PKIA: variants seen among roughly 807,000 people sequenced by gnomAD.
The protein encoded by PKIA is PKI-alpha.
PKIA carries 4 observed loss-of-function variants against 7.6 expected under a neutral mutation model. The ratio of observed to expected loss-of-function variants is 0.52; its 90% confidence interval spans 0.26 to 1.20. PKIA has a LOEUF of 1.20. PKIA is among the 50% of genes most tolerant of loss of function. The pLI is 0.13. For missense variants in PKIA, 73 were observed against 86.2 expected (o/e 0.85, Z 0.61); for synonymous variants, 21 against 30.7 (o/e 0.68, Z 1.04).
rs537770275 is a variant in PKIA at position 78,554,299 on chromosome 8, A to C, written c.-156-18512A>C. Among the ~76,000 whole-genome samples, 200 of 152,164 alleles carry C rather than the reference A, an allele frequency of 1.3e-3. 2 individuals carry two copies. The highest frequency in any genetic ancestry group is 2.2e-3 in the Non-Finnish European group (149 of 67,914). Reference sequence around the variant, plus strand: ...TAGCATGTAGCCCTAAAGTCCTGACAGCTAAATAGTAGGGAAGACACTGTT... The same window carrying C: ...TAGCATGTAGCCCTAAAGTCCTGACCGCTAAATAGTAGGGAAGACACTGTT... On this transcript the variant is annotated intron_variant, in intron 1 of 3. Coordinates refer to ENST00000396418, the MANE Select transcript of PKIA (RefSeq NM_006823.4).
rs1374925553 is a variant in PKIA at position 78,604,943 on chromosome 8, T to C, written c.*3122T>C. On this transcript the variant is annotated 3_prime_UTR_variant, in exon 4 of 4. Coordinates refer to ENST00000396418, the MANE Select transcript of PKIA (RefSeq NM_006823.4). Reference sequence around the variant, plus strand: ...ATACTTGAGTCTTACTTAGATGCTGTGGTAATGCACCATTTTAGAAGATGA... The same window carrying C: ...ATACTTGAGTCTTACTTAGATGCTGCGGTAATGCACCATTTTAGAAGATGA... 1 of 152,022 alleles carries C rather than the reference T, an allele frequency of 6.6e-6. No individual in the cohort carries two copies. The highest frequency in any genetic ancestry group is 1.5e-5 in the Non-Finnish European group (1 of 67,970). The allele number at this position is 152,022 out of a possible 1,614,324, so 9.4% of individuals were successfully genotyped here.
intron 1 of PKIA, among the ~76,000 whole-genome samples, chr8:78,532,825 G>C (rs547949601): frequency 1.1e-4 from 16 of 152,102 alleles, no homozygotes; most frequent in African/African-American, 3.4e-4. Flanking sequence ...TGAGGCATGA[G>C]AACCACTTGA....
chr8:78,530,514 T>C (rs1806363479), intron 1 of PKIA, among the ~76,000 whole-genome samples: 1 of 152,046 alleles, frequency 6.6e-6, no homozygotes, highest in African/African-American at 2.4e-5. Context: ...TTCTTAGATT[T>C]AATTAAACTT....
At position 78,601,873 on chromosome 8, in the gene PKIA, G is replaced by T; in HGVS notation, c.*52G>T. On this transcript the variant is annotated 3_prime_UTR_variant, in exon 4 of 4. Transcript: ENST00000396418. The stretch of plus-strand genomic sequence containing the variant: ...CTGAAAATGTCTCAAATCTCCAGGA[G>T]TATCTGGAATGCATTTGTTTCCATG... 7.4e-7 allele frequency: 1 copy of T among 1,347,146 alleles called. No individual in the cohort carries two copies. Among genetic ancestry groups the T allele is most frequent in the South Asian group, 1.2e-5 (1 of 84,318 alleles). 83.4% of individuals were successfully genotyped at this position (1,347,146 alleles called of 1,614,324 possible). A position where few individuals can be genotyped will look rare whatever the true frequency, so the allele number is the denominator to read the frequency against.
rs201469203 is a variant in PKIA, at chr8:78,524,079, TATAA to T, written c.-157+7617_-157+7620del. Among the ~76,000 whole-genome samples the T allele has an allele frequency of 4.0e-3, 455 of 114,830 alleles. 86 individuals carry two copies. Among genetic ancestry groups the T allele is most frequent in the African/African-American group, 0.02 (402 of 20,316 alleles). 75.3% of individuals were successfully genotyped at this position (114,830 alleles called of 152,430 possible). ...ATAAACATTTATATTTATATATAAA[TATAA>T]ATAAACATTTATATTTATATATAAA... On this transcript the variant is annotated intron_variant, in intron 1 of 3. Transcript: ENST00000396418.
chr8:78,572,321 ATATCCTTCAACAAATTCCAATGT>A, intron 1 of PKIA, among the ~76,000 whole-genome samples: 1 of 151,808 alleles, frequency 6.6e-6, no homozygotes, highest in Middle Eastern at 3.4e-3. Flanking sequence ...GTCTCTGTAA[ATATCCTTCAACAAATTCCAATGT>A]TTATGAAGAA....
chr8:78,565,935 T>C (rs1197171636), intron 1 of PKIA, among the ~76,000 whole-genome samples: 1 of 151,924 alleles, frequency 6.6e-6, no homozygotes, highest in African/African-American at 2.4e-5. Flanking sequence ...AACCAACAGA[T>C]CAGTTGCCTG....
intron 1 of PKIA, among the ~76,000 whole-genome samples, chr8:78,560,573 T>C (rs1807261094): frequency 6.6e-6 from 1 of 152,114 alleles, no homozygotes; most frequent in African/African-American, 2.4e-5. Context: ...GTGATGAATA[T>C]TACTAATATT....
At chr8:78,575,496 T>C (rs1196471311) in intron 2 of PKIA, among the ~76,000 whole-genome samples, 4 of 152,002 alleles carry the variant, frequency 2.6e-5, no homozygotes, top group Non-Finnish European at 4.4e-5. Context: ...TACAATGTTG[T>C]ACAAATGTAA....
intron 2 of PKIA, among the ~76,000 whole-genome samples, chr8:78,587,615 A>G (rs1486804947): frequency 6.6e-6 from 1 of 152,194 alleles, no homozygotes; most frequent in Non-Finnish European, 1.5e-5. Flanking sequence ...GACAGAAGAA[A>G]TTATTCCATG....
intron 2 of PKIA, chr8:78,591,311 G>A (rs1808088512): frequency 6.6e-6 from 1 of 152,616 alleles, no homozygotes; most frequent in Non-Finnish European, 1.5e-5. Flanking sequence ...ATAGCCTCTT[G>A]AAATCTGTCT....
rs577446235 is a variant in PKIA, at chr8:78,579,003, C to T, written c.-28+6064C>T. On this transcript the variant is annotated intron_variant, in intron 2 of 3. Transcript: ENST00000396418. ...AGTTTACTTTTTTCTATCACTTTCA[C>T]TCCAGTTGTTTCCATCTCCATTTGC... Among the ~76,000 whole-genome samples, 31 of 152,190 alleles carry T rather than the reference C, an allele frequency of 2.0e-4. No homozygotes were observed. The South Asian group carries it at 6.2e-3, about 30-fold the overall frequency.
chr8:78,564,164 C>G (rs769636677), intron 1 of PKIA, among the ~76,000 whole-genome samples: 1 of 151,018 alleles, frequency 6.6e-6, no homozygotes, highest in Non-Finnish European at 1.5e-5. Flanking sequence ...AGTGGGGAAG[C>G]CTTATTTAAA....
chr8:78,564,315 T>C (rs1348947258), intron 1 of PKIA, among the ~76,000 whole-genome samples: 1 of 152,014 alleles, frequency 6.6e-6, no homozygotes, highest in Non-Finnish European at 1.5e-5. Flanking sequence ...ATGTGCCCTG[T>C]CACGTGATTT....
At chr8:78,520,083 G>C (rs911711043) in intron 1 of PKIA, among the ~76,000 whole-genome samples, 7 of 152,094 alleles carry the variant, frequency 4.6e-5, no homozygotes, top group African/African-American at 1.7e-4. Flanking sequence ...GCAACTCTAT[G>C]GTGTCTAGCT....
At chr8:78,571,725 C>G (rs928254019) in intron 1 of PKIA, among the ~76,000 whole-genome samples, 6 of 152,052 alleles carry the variant, frequency 3.9e-5, no homozygotes, top group African/African-American at 1.4e-4. Flanking sequence ...TTTCCAGGAA[C>G]AGTTTGAATT....
intron 2 of PKIA, among the ~76,000 whole-genome samples, chr8:78,575,999 C>T (rs927341494): frequency 1.3e-5 from 2 of 151,974 alleles, no homozygotes; most frequent in East Asian, 1.9e-4. Flanking sequence ...GCTATGTCAT[C>T]GCATGGCTTT....
chr8:78,598,092 T>A (rs1156915987), intron 2 of PKIA, among the ~76,000 whole-genome samples: 1 of 147,644 alleles, frequency 6.8e-6, no homozygotes, highest in Non-Finnish European at 1.5e-5. Context: ...TTAATAATAA[T>A]TAATATTATT....
chr8:78,585,667 A>G (rs1037277117), intron 2 of PKIA, among the ~76,000 whole-genome samples: 1 of 152,146 alleles, frequency 6.6e-6, no homozygotes, highest in Non-Finnish European at 1.5e-5. Flanking sequence ...AAACATGATC[A>G]TAGCAACTGT....
Sources: allele counts gnomAD v4.1 joint callset (sites outside exome capture counted in the v4.1 genomes callset), GRCh38; gene constraint gnomAD v4.1.1; transcripts MANE v1.5; gene names NCBI Gene and HGNC (gene_info 2026-07-23, HGNC 2026-07-21).